The following MTSS1 variants were observed in gnomAD, a reference collection of about 807,000 sequenced individuals.
The protein encoded by MTSS1 is protein MTSS 1.
A neutral mutation model predicts 79.0 loss-of-function variants in MTSS1; 18 were observed. That is an observed-to-expected ratio of 0.23 (90% confidence interval 0.16 to 0.34). MTSS1 has a LOEUF of 0.34. Ranked by LOEUF, MTSS1 falls within the 10% of genes least tolerant of loss-of-function variation. The pLI is 1.00. For synonymous variants in MTSS1, 341 were observed against 368.6 expected (o/e 0.93, Z 0.86); for missense variants, 815 against 986.2 (o/e 0.83, Z 2.33).
intron 3 of MTSS1, among the ~76,000 whole-genome samples, chr8:124,698,454 C>A (rs1477366456): frequency 6.6e-6 from 1 of 151,994 alleles, no homozygotes; most frequent in African/African-American, 2.4e-5. Context: ...CACCCTCCTC[C>A]CTTTGAATAG....
At chr8:124,620,321 A>C (rs1264789552) in intron 3 of MTSS1, among the ~76,000 whole-genome samples, 2 of 152,194 alleles carry the variant, frequency 1.3e-5, no homozygotes, top group Non-Finnish European at 2.9e-5. Context: ...GAAAGTTAGC[A>C]GTTGGGGCTT....
At chr8:124,697,648 T>C (rs1321258031) in intron 3 of MTSS1, among the ~76,000 whole-genome samples, 1 of 151,974 alleles carries the variant, frequency 6.6e-6, no homozygotes, top group Admixed American at 6.6e-5. Flanking sequence ...CCAAGTCCAG[T>C]TCCAGATACT....
chr8:124,561,074 G>A (rs1457465274), intron 10 of MTSS1, among the ~76,000 whole-genome samples: 2 of 152,132 alleles, frequency 1.3e-5, no homozygotes, highest in Non-Finnish European at 2.9e-5. Context: ...ATAAGCAGTC[G>A]TAATGCCTTT....
At chr8:124,700,660 A>G (rs1200398483) in intron 2 of MTSS1, among the ~76,000 whole-genome samples, 2 of 152,024 alleles carry the variant, frequency 1.3e-5, no homozygotes, top group African/African-American at 2.4e-5. Context: ...ATTTTTTTGG[A>G]CACCATAGGA....
Position 124,567,116 on chromosome 8 carries a change from T to C in MTSS1, c.681A>G (p.Lys227=). 1 of 1,614,184 alleles carries C rather than the reference T, an allele frequency of 6.2e-7. No homozygotes were observed. The highest frequency in any genetic ancestry group is 8.5e-7 in the Non-Finnish European group (1 of 1,180,006). The change falls in exon 8 of 14, where the codon AAA becomes AAG. Residue 227 remains lysine (K), a synonymous_variant. Transcript: ENST00000518547. Reference sequence around the variant, plus strand: ...GTTTGTGAGGGTCCATGGTCAGGCTTTTTAGATCTTCCGAGATGGTCTGAA... The same window carrying C: ...GTTTGTGAGGGTCCATGGTCAGGCTCTTTAGATCTTCCGAGATGGTCTGAA... The part of the protein sequence containing the change: ...THLQTISEDL[K]SLTMDPHKLP...
rs767819646 is a variant in MTSS1 at position 124,557,769 on chromosome 8, C to G, written c.1142G>C (p.Arg381Pro). 1.9e-6 allele frequency: 3 copies of G among 1,605,624 alleles called. No homozygotes were observed. The highest frequency in any genetic ancestry group is 2.7e-5 in the African/African-American group (2 of 74,648). The part of the protein sequence containing the change: ...HCLPASRLLP[R>P]VTSVHLPDYA... Reference sequence around the variant, plus strand: ...GTCTGGAAGGTGGACAGAGGTGACCCGAGGGAGCAGGCGGGAGGCAGGCAG... The same window carrying G: ...GTCTGGAAGGTGGACAGAGGTGACCGGAGGGAGCAGGCGGGAGGCAGGCAG... The change falls in exon 11 of 14, where the codon CGG becomes CCG. Residue 381 changes from arginine to proline, a missense_variant. Arg to Pro is a moderately radical substitution (Grantham distance 103). This residue lies in a region of MTSS1 where 590 missense variants were observed against 620.8 expected (regional missense o/e 0.95). Coordinates refer to ENST00000518547, the MANE Select transcript of MTSS1 (RefSeq NM_014751.6).
At chr8:124,675,470 C>T (rs1825114404) in intron 3 of MTSS1, among the ~76,000 whole-genome samples, 1 of 152,190 alleles carries the variant, frequency 6.6e-6, no homozygotes, top group Admixed American at 6.5e-5. Flanking sequence ...GACATTGATG[C>T]AGATTATGCA....
intron 1 of MTSS1, among the ~76,000 whole-genome samples, chr8:124,722,923 A>G (rs1004693928): frequency 3.9e-5 from 6 of 152,350 alleles, no homozygotes; most frequent in Non-Finnish European, 8.8e-5. Flanking sequence ...GAATCTTGCC[A>G]GCTATCGCCA....
chr8:124,555,295 G>C (rs1001239272), intron 13 of MTSS1, among the ~76,000 whole-genome samples: 16 of 152,072 alleles, frequency 1.1e-4, no homozygotes, highest in Non-Finnish European at 1.5e-4. Context: ...ACCCGGGCTG[G>C]AGTGCAGTGG....
intron 5 of MTSS1, among the ~76,000 whole-genome samples, chr8:124,588,777 C>T (rs1484603012): frequency 6.6e-6 from 1 of 152,192 alleles, no homozygotes; most frequent in Non-Finnish European, 1.5e-5. Context: ...TGCAGTGGTG[C>T]AATCTCTGCT....
chr8:124,646,477 TCTTACA>T (rs1383266177), intron 3 of MTSS1, among the ~76,000 whole-genome samples: 1 of 152,228 alleles, frequency 6.6e-6, no homozygotes, highest in African/African-American at 2.4e-5. Context: ...ATAAGGCATC[TCTTACA>T]CTTCTACTGA....
intron 1 of MTSS1, among the ~76,000 whole-genome samples, chr8:124,714,140 C>G (rs1831568801): frequency 6.6e-6 from 1 of 152,184 alleles, no homozygotes; most frequent in South Asian, 2.1e-4. Flanking sequence ...CAGCAGCCAC[C>G]TGACATTTGT....
At chr8:124,718,756 C>G (rs1002864372) in intron 1 of MTSS1, among the ~76,000 whole-genome samples, 1 of 152,100 alleles carries the variant, frequency 6.6e-6, no homozygotes. Context: ...GTTACTGGAG[C>G]GACCCTTGAC....
chr8:124,610,229 A>G (rs945046628), intron 3 of MTSS1, among the ~76,000 whole-genome samples: 1 of 152,242 alleles, frequency 6.6e-6, no homozygotes, highest in Non-Finnish European at 1.5e-5. Flanking sequence ...TGAAAACAAA[A>G]CAACGAATCA....
chr8:124,620,935 G>A lies in MTSS1; in HGVS notation c.209-29700C>T, dbSNP rs536165465. On this transcript the variant is annotated intron_variant, in intron 3 of 13. Transcript: ENST00000518547. ...ACAGTTTCTTGCATTAAACAGGATC[G>A]CCTAGTTCAGAGGTCATCCGCACCC... Among the ~76,000 whole-genome samples, 10 of 152,234 alleles carry A rather than the reference G, an allele frequency of 6.6e-5. No individual in the cohort carries two copies. The East Asian group carries it at 1.4e-3, about 21-fold the overall frequency.
At chr8:124,638,522 C>G (rs374090923) in intron 3 of MTSS1, among the ~76,000 whole-genome samples, 1 of 152,162 alleles carries the variant, frequency 6.6e-6, no homozygotes, top group Non-Finnish European at 1.5e-5. Flanking sequence ...TTTCCTTCCC[C>G]GGCGGAGATC....
rs114441603 is a variant in MTSS1 at position 124,702,381 on chromosome 8, G to A, written c.134+1749C>T. Among the ~76,000 whole-genome samples, 287 of 152,298 alleles carry A rather than the reference G, an allele frequency of 1.9e-3. 1 individual carries two copies. Among genetic ancestry groups the A allele is most frequent in the African/African-American group, 6.4e-3 (267 of 41,558 alleles). On this transcript the variant is annotated intron_variant, in intron 2 of 13. Transcript: ENST00000518547. ...GTGAGGAGCCCTGAATCCTGAGCAG[G>A]GGAGGTGGGATCTGATCCAGTAGAA... is the stretch of plus-strand genomic sequence containing the variant.
intron 6 of MTSS1, among the ~76,000 whole-genome samples, chr8:124,575,584 G>GTTTTTGT (rs1554646293): frequency 7.9e-5 from 12 of 151,662 alleles, no homozygotes; most frequent in African/African-American, 2.7e-4. Context: ...TTTTGTTGTT[G>GTTTTTGT]TTGTTTGTTT....
Position 124,678,412 on chromosome 8 carries a change from C to T in MTSS1, c.208+21114G>A, listed in dbSNP as rs536236407. On this transcript the variant is annotated intron_variant, in intron 3 of 13. Coordinates refer to ENST00000518547, the MANE Select transcript of MTSS1 (RefSeq NM_014751.6). The stretch of plus-strand genomic sequence containing the variant: ...TTTCATACTGCTATGAAGAAATACC[C>T]GAGACTGGGTAATTTATAAAGAAAA... Among the ~76,000 whole-genome samples, 5 of 152,236 alleles carry T rather than the reference C, an allele frequency of 3.3e-5. No homozygotes were observed. The East Asian group carries it at 7.7e-4, about 24-fold the overall frequency.
Sources: gnomAD v4.1 joint callset for allele counts (sites outside exome capture counted in the v4.1 genomes callset) on GRCh38, gnomAD v4.1.1 for gene constraint, gnomAD v4.1.1 regional missense constraint, MANE v1.5 for transcripts, NCBI Gene and HGNC (gene_info 2026-07-23, HGNC 2026-07-21) for gene names.